Variants in FAN1 observed in about 807,000 individuals in gnomAD.
The protein encoded by FAN1 is FANCD2 and FANCI associated nuclease 1.
In FAN1, 91 loss-of-function variants were observed where a neutral mutation model predicts 104.9. The ratio of observed to expected loss-of-function variants is 0.87; its 90% CI spans 0.73 to 1.03. FAN1 has a LOEUF of 1.03. Among genes scored for constraint, FAN1 ranks in the 50% least tolerant of loss-of-function variants. The pLI, the probability that FAN1 is intolerant of heterozygous loss-of-function variation, is 0.00. For missense variants in FAN1, 1,263 were observed against 1,239.9 expected (o/e 1.02, Z -0.28); for synonymous variants, 478 against 457.6 (o/e 1.04, Z -0.57).
chr15:30,941,478 C>G (rs1566941991), intron 14 of FAN1, 88 bp from the exon 15 acceptor site: 5 of 1,603,884 alleles, frequency 3.1e-6, no homozygotes, highest in Non-Finnish European at 4.3e-6. Context: ...TTTTAGTCTT[C>G]ATTTGCTAAT....
In FAN1 at chr15:30,905,844, TGCTCTTTGATGA is replaced by T. The variant is rs761745960; in HGVS notation, c.1184_1195del (p.Leu395_Glu398del). On this transcript the variant is annotated inframe_deletion, in exon 2 of 15. Coordinates refer to ENST00000362065, the MANE Select transcript of FAN1 (RefSeq NM_014967.5). Reference sequence around the variant, plus strand: ...GTACTTGAGAATGAAGATGATATGTTGCTCTTTGATGAGCAGGAGAAGGGAATTGTAACTAAA... The same window carrying T: ...GTACTTGAGAATGAAGATGATATGTTGCAGGAGAAGGGAATTGTAACTAAA... The T allele has an allele frequency of 1.2e-6, 2 of 1,614,138 alleles. No individual in the cohort carries two copies. Among genetic ancestry groups the T allele is most frequent in the Non-Finnish European group, 1.7e-6 (2 of 1,179,942 alleles).
intron 4 of FAN1, among the ~76,000 whole-genome samples, chr15:30,912,133 A>G (rs892265096): frequency 6.6e-6 from 1 of 152,072 alleles, no homozygotes; most frequent in African/African-American, 2.4e-5. Flanking sequence ...AGTAAATAAG[A>G]TGAACATATT....
At chr15:30,940,119 G>A in intron 14 of FAN1, 2 of 985,362 alleles carry the variant, frequency 2.0e-6, no homozygotes, top group Non-Finnish European at 2.4e-6. Flanking sequence ...CCATATCTTA[G>A]GATGGCAGTT....
In FAN1 at chr15:30,903,979, G is replaced by C. The variant is rs1026875792; in HGVS notation, c.-185G>C. On this transcript the variant is annotated 5_prime_UTR_variant, in exon 1 of 15. Transcript: ENST00000362065. ...GGGCAGCCAGGCCCTAGGGAGCAGG[G>C]AGAGTGGCTCGGGCTCAGTCGCGTG... 2.0e-4 allele frequency: 30 copies of C among 152,670 alleles called. No individual in the cohort carries two copies. The highest frequency in any genetic ancestry group is 7.2e-4 in the African/African-American group (30 of 41,576). The allele number at this position is 152,670 out of a possible 1,614,324, so 9.5% of individuals were successfully genotyped here. A position where few individuals can be genotyped will look rare whatever the true frequency, so the allele number is the denominator to read the frequency against.
rs796849696 is a variant in FAN1, at chr15:30,916,313, T to G, written c.1812-1851T>G. Among the ~76,000 whole-genome samples, 3 of 152,136 alleles carry G rather than the reference T, an allele frequency of 2.0e-5. No homozygotes were observed. The South Asian group carries it at 6.2e-4, about 31-fold the overall frequency. On this transcript the variant is annotated intron_variant, in intron 5 of 14. Transcript: ENST00000362065. The stretch of plus-strand genomic sequence containing the variant: ...TTCCTCATCTGTCAAATGGGGAGAA[T>G]AATAGTATATTCTTACAGACATGTG...
At chr15:30,914,943 T>C (rs1219949668) in intron 5 of FAN1, among the ~76,000 whole-genome samples, 1 of 152,182 alleles carries the variant, frequency 6.6e-6, no homozygotes, top group Non-Finnish European at 1.5e-5. Context: ...GATCCAGCAA[T>C]CCCACTACTG....
In FAN1 at chr15:30,928,590, T is replaced by C. The variant is rs142786123; in HGVS notation, c.2526T>C (p.Tyr842=). The change falls in exon 11 of 15, where the codon TAT becomes TAC. Residue 842 remains tyrosine (Y), a synonymous_variant. Transcript: ENST00000362065. ...AAGGGTCCACCTTCAGCACCCTGTA[T>C]GGCCTCCTCCTGTGGGACATCATCT... ...HGEGSTFSTL[Y]GLLLWDIIFM... is the part of the protein sequence containing the mutation. 4 of 1,613,348 alleles carry C rather than the reference T, an allele frequency of 2.5e-6. No homozygotes were observed. The African/African-American group carries it at 5.4e-5, about 22-fold the overall frequency.
rs1007798056 is a variant in FAN1 at position 30,941,236 on chromosome 15, C to T, written c.*4-330C>T. ...GCAGACAACATGAACAGTTTGATCA[C>T]GGTTACAAGAGCCAGACCTGTAATG... On this transcript the variant is annotated intron_variant, in intron 14 of 14. Transcript: ENST00000362065. 2.5e-5 allele frequency: 36 copies of T among 1,426,312 alleles called. No individual in the cohort carries two copies. The Admixed American group carries it at 2.7e-4, about 11-fold the overall frequency. The allele number at this position is 1,426,312 out of a possible 1,614,324, so 88.4% of individuals were successfully genotyped here. A position where few individuals can be genotyped will look rare whatever the true frequency, so the allele number is the denominator to read the frequency against.
chr15:30,925,365 G>C, intron 9 of FAN1, 74 bp downstream of exon 9: 1 of 1,352,712 alleles, frequency 7.4e-7, no homozygotes, highest in Non-Finnish European at 1.0e-6. Flanking sequence ...AGCATCCTAA[G>C]AGCTGTTTTG....
At chr15:30,909,322 G>C (rs2062047822) in intron 3 of FAN1, among the ~76,000 whole-genome samples, 1 of 152,186 alleles carries the variant, frequency 6.6e-6, no homozygotes, top group Non-Finnish European at 1.5e-5. Flanking sequence ...GGATGGCGTG[G>C]GATGGGGAAA....
At chr15:30,929,900 T>C (rs1181577800) in intron 12 of FAN1, among the ~76,000 whole-genome samples, 6 of 75,636 alleles carry the variant, frequency 7.9e-5, no homozygotes, top group Admixed American at 2.4e-4. Flanking sequence ...ATATATAATA[T>C]ATAAAATATA....
At chr15:30,932,037 A>G (rs1443320462) in intron 13 of FAN1, among the ~76,000 whole-genome samples, 1 of 151,850 alleles carries the variant, frequency 6.6e-6, no homozygotes, top group Admixed American at 6.6e-5. Context: ...CCTGGCTAAC[A>G]TGGTGAAACC....
At chr15:30,915,418 T>C (rs1053305618) in intron 5 of FAN1, among the ~76,000 whole-genome samples, 1 of 152,204 alleles carries the variant, frequency 6.6e-6, no homozygotes, top group Admixed American at 6.5e-5. Context: ...CAGTTTATTA[T>C]ATATTTTTAA....
intron 10 of FAN1, chr15:30,927,016 G>T (rs954394224): frequency 1.0e-6 from 1 of 985,408 alleles, no homozygotes; most frequent in Non-Finnish European, 1.2e-6. Context: ...GGACCACTTA[G>T]GAGTTAAGGA....
chr15:30,915,748 C>A (rs1166529330), intron 5 of FAN1, among the ~76,000 whole-genome samples: 1 of 151,696 alleles, frequency 6.6e-6, no homozygotes, highest in Non-Finnish European at 1.5e-5. Context: ...TAATAGATGC[C>A]AAACAAATAA....
chr15:30,929,983 T>TA (rs1566931488), intron 12 of FAN1, among the ~76,000 whole-genome samples: 1 of 126,660 alleles, frequency 7.9e-6, no homozygotes, highest in East Asian at 2.0e-4. Context: ...ATATATAATA[T>TA]ATAAGATATC....
At chr15:30,940,042 G>A (rs1974285187) in intron 14 of FAN1, 1 of 978,714 alleles carries the variant, frequency 1.0e-6, no homozygotes, top group Non-Finnish European at 1.2e-6. Flanking sequence ...GTAAAATACA[G>A]TTATCTTGAA....
In FAN1 at chr15:30,913,918, C is replaced by T. The variant is rs1566915386; in HGVS notation, c.1638C>T (p.Ser546=). ...RICKGPRAVF[S]RILLLFSLTD... ...GTAAAGGCCCCAGGGCTGTGTTTTC[C>T]CGCATCTTGCTACTGTTTTCGTTGA... Residue 546 remains serine, a synonymous_variant, in exon 5 of 15, where the codon TCC becomes TCT. Coordinates refer to ENST00000362065, the MANE Select transcript of FAN1 (RefSeq NM_014967.5). 1 of 1,614,194 alleles carries T rather than the reference C, an allele frequency of 6.2e-7. No homozygotes were observed. Among genetic ancestry groups the T allele is most frequent in the East Asian group, 2.2e-5 (1 of 44,888 alleles).
chr15:30,918,216 G>A lies in FAN1; in HGVS notation c.1864G>A (p.Gly622Arg). ...TGACATTTCTTCCGCAATGGCCAAT[G>A]GGAACTGGGAAGAAGCTAAGGAGCT... ...LSDISSAMAN[G>R]NWEEAKELAQ... is the part of the protein sequence containing the mutation. The change falls in exon 6 of 15, where the codon GGG (glycine) becomes AGG (arginine). Residue 622 changes from glycine to arginine, a missense_variant. Around this residue, in one of 2 missense-constraint regions of FAN1, gnomAD observed 581 missense variants for 668.8 expected, o/e 0.87. Coordinates refer to ENST00000362065, the MANE Select transcript of FAN1 (RefSeq NM_014967.5). 2.5e-6 allele frequency: 4 copies of A among 1,614,068 alleles called. No homozygotes were observed. Among genetic ancestry groups the A allele is most frequent in the Non-Finnish European group, 3.4e-6 (4 of 1,179,992 alleles).
Sources: allele counts gnomAD v4.1 joint callset (sites outside exome capture counted in the v4.1 genomes callset), GRCh38; gene constraint gnomAD v4.1.1; regional missense constraint gnomAD v4.1.1; transcripts MANE v1.5; gene names NCBI Gene and HGNC (gene_info 2026-07-23, HGNC 2026-07-21).